The following CUBN variants were observed in gnomAD, a reference collection of about 807,000 sequenced individuals.
The protein encoded by CUBN is 460 kDa receptor.
Under a neutral mutation model 405.3 loss-of-function variants are expected in CUBN, and 282 were observed. That is an observed-to-expected ratio of 0.70 (90% CI 0.63 to 0.77). The LOEUF (loss-of-function observed/expected upper bound fraction) is 0.77. CUBN is among the 30% of genes least tolerant of loss of function. CUBN has a pLI of 0.00. For synonymous variants in CUBN, 1,684 were observed against 1,617.0 expected, an observed-to-expected ratio of 1.04 and a Z score of -0.99; for missense variants, 4,514 against 4,475.2, an observed-to-expected ratio of 1.01 and a Z score of -0.25.
chr10:17,119,986 G>A lies in CUBN; in HGVS notation c.593+2809C>T, dbSNP rs192579321. ...AATCCAGTTAAAGACTCCTTTTTCC[G>A]TCCAAGTAAAAGAGCTCAAAGAGTT... On this transcript the variant is annotated intron_variant, in intron 6 of 66. Coordinates refer to ENST00000377833, the MANE Select transcript of CUBN (RefSeq NM_001081.4). Among the ~76,000 whole-genome samples, 23 of 152,194 alleles carry A rather than the reference G, an allele frequency of 1.5e-4. 1 individual carries two copies. The highest frequency in any genetic ancestry group is 3.4e-3 in the Middle Eastern group (1 of 294).
At chr10:16,901,209 C>G in intron 52 of CUBN, 129 bp downstream of exon 52, 1 of 1,282,766 alleles carries the variant, frequency 7.8e-7, no homozygotes, top group Non-Finnish European at 1.1e-6. Flanking sequence ...TAGGGAAAAA[C>G]AGTGATCTCA....
At chr10:16,867,940 A>G (rs1239012642) in intron 59 of CUBN, among the ~76,000 whole-genome samples, 1 of 152,328 alleles carries the variant, frequency 6.6e-6, no homozygotes, top group Non-Finnish European at 1.5e-5. Context: ...TTGTGAGACT[A>G]TATTAGGAAA....
intron 54 of CUBN, among the ~76,000 whole-genome samples, chr10:16,897,690 G>A (rs1053570996): frequency 1.1e-4 from 16 of 152,086 alleles, no homozygotes; most frequent in Admixed American, 5.9e-4. Flanking sequence ...GGCTTCCTGC[G>A]GGGGCTGCTT....
intron 57 of CUBN, among the ~76,000 whole-genome samples, chr10:16,876,414 A>G (rs577334075): frequency 1.3e-5 from 2 of 152,346 alleles, no homozygotes; most frequent in Non-Finnish European, 2.9e-5. Flanking sequence ...AGTTGAATAT[A>G]TCAATCTTTT....
intron 31 of CUBN, among the ~76,000 whole-genome samples, chr10:16,967,973 G>C (rs1419571556): frequency 1.4e-5 from 2 of 138,076 alleles, no homozygotes. Context: ...CAGAAAGACA[G>C]GGAGAGAGAG....
At chr10:16,971,926 T>C (rs1454890342) in intron 31 of CUBN, among the ~76,000 whole-genome samples, 3 of 152,120 alleles carry the variant, frequency 2.0e-5, no homozygotes, top group Non-Finnish European at 2.9e-5. Flanking sequence ...CTGCACCTCC[T>C]AACCACTGTG....
intron 21 of CUBN, among the ~76,000 whole-genome samples, chr10:17,067,616 T>G (rs1835639132): frequency 6.6e-6 from 1 of 152,134 alleles, no homozygotes; most frequent in South Asian, 2.1e-4. Context: ...TGTTTCAATT[T>G]GATAAAACTA....
chr10:17,060,640 G>A (rs1402221339), intron 22 of CUBN, among the ~76,000 whole-genome samples: 3 of 152,266 alleles, frequency 2.0e-5, no homozygotes, highest in African/African-American at 4.8e-5. Context: ...TTTAAAAGAC[G>A]AATCGACTTA....
At chr10:16,868,691 G>A (rs1840256888) in intron 59 of CUBN, among the ~76,000 whole-genome samples, 2 of 152,004 alleles carry the variant, frequency 1.3e-5, no homozygotes, top group African/African-American at 4.8e-5. Context: ...TGTTTGATGT[G>A]GATAATTTAT....
intron 6 of CUBN, among the ~76,000 whole-genome samples, chr10:17,121,087 A>G (rs1456219657): frequency 6.6e-6 from 1 of 152,208 alleles, no homozygotes; most frequent in East Asian, 1.9e-4. Context: ...AAAAGGCTTC[A>G]TTTAAATGAG....
In CUBN at chr10:16,932,369, T is replaced by C. The variant is rs924525344; in HGVS notation, c.6124+718A>G. Among the ~76,000 whole-genome samples the C allele has an allele frequency of 4.6e-5, 7 of 152,292 alleles. No homozygotes were observed. In the South Asian group the frequency reaches 1.5e-3, roughly 32 times the overall value. On this transcript the variant is annotated intron_variant, in intron 40 of 66. Transcript: ENST00000377833. ...CACTGAGAAATACTGACGTGGAGGA[T>C]GTGGCCTTTCTGCTGTCCTCCTTCA...
At chr10:16,866,644 GA>G (rs1293533893) in intron 59 of CUBN, among the ~76,000 whole-genome samples, 1 of 152,214 alleles carries the variant, frequency 6.6e-6, no homozygotes, top group African/African-American at 2.4e-5. Flanking sequence ...GATTATTTCA[GA>G]GTTTCACAGA....
chr10:17,112,420 C>CTA (rs1370633188), intron 8 of CUBN, among the ~76,000 whole-genome samples: 1 of 151,780 alleles, frequency 6.6e-6, no homozygotes, highest in South Asian at 2.1e-4. Context: ...TAAAATATAA[C>CTA]TACCATATAT....
At chr10:17,098,707 T>A (rs1261816041) in intron 14 of CUBN, among the ~76,000 whole-genome samples, 1 of 152,174 alleles carries the variant, frequency 6.6e-6, no homozygotes, top group Non-Finnish European at 1.5e-5. Context: ...TAATTAGACA[T>A]GATGAGTGAA....
rs1419870989 is a variant in CUBN, at chr10:16,940,064, C to G, written c.5516G>C (p.Ser1839Thr). ...WVRFISDGSGSGTGFQATFMK... is the reference protein window; with the variant it reads ...WVRFISDGSGTGTGFQATFMK... Reference sequence around the variant, plus strand: ...AAATGTGGCCTGGAAGCCCGTGCCGCTGCCAGAACCATCTGAGATAAATCT... The same window carrying G: ...AAATGTGGCCTGGAAGCCCGTGCCGGTGCCAGAACCATCTGAGATAAATCT... The change falls in exon 37 of 67, where the codon AGC (serine) becomes ACC (threonine). Residue 1839 changes from serine (S) to threonine (T), a missense_variant. Physicochemically the swap from Ser to Thr is moderately conservative, Grantham distance 58 (BLOSUM62 1). Around this residue, in one of 5 missense-constraint regions of CUBN, gnomAD observed 1,613 missense variants for 1,542.8 expected, o/e 1.05. Coordinates refer to ENST00000377833, the MANE Select transcript of CUBN (RefSeq NM_001081.4). 5 of 1,614,084 alleles carry G rather than the reference C, an allele frequency of 3.1e-6. No homozygotes were observed. The highest frequency in any genetic ancestry group is 1.7e-5 in the Admixed American group (1 of 60,008).
intron 60 of CUBN, among the ~76,000 whole-genome samples, chr10:16,845,828 A>G (rs1839492497): frequency 6.6e-6 from 1 of 152,218 alleles, no homozygotes; most frequent in African/African-American, 2.4e-5. Flanking sequence ...CTGAATGGTT[A>G]AGCCCGGTGC....
intron 31 of CUBN, among the ~76,000 whole-genome samples, chr10:16,968,664 G>C (rs1843467203): frequency 1.3e-5 from 2 of 152,204 alleles, no homozygotes; most frequent in Non-Finnish European, 2.9e-5. Flanking sequence ...AGCCTTTCTA[G>C]GAGATCAATA....
chr10:17,090,699 C>T (rs1189451702), intron 14 of CUBN, among the ~76,000 whole-genome samples: 1 of 151,310 alleles, frequency 6.6e-6, no homozygotes, highest in East Asian at 1.9e-4. Flanking sequence ...GTTATCATAC[C>T]ATTAGTAATA....
intron 60 of CUBN, among the ~76,000 whole-genome samples, chr10:16,847,123 C>A (rs1169219616): frequency 2.0e-5 from 3 of 152,080 alleles, no homozygotes; most frequent in African/African-American, 7.2e-5. Flanking sequence ...TCATGTTATG[C>A]AACACGTTAT....
Sources: allele counts gnomAD v4.1 joint callset (sites outside exome capture counted in the v4.1 genomes callset), GRCh38; gene constraint gnomAD v4.1.1; regional missense constraint gnomAD v4.1.1; transcripts MANE v1.5; gene names NCBI Gene and HGNC (gene_info 2026-07-23, HGNC 2026-07-21).